Variants in SNX29 observed in about 807,000 individuals in gnomAD.
SNX29 encodes sorting nexin-29.
SNX29 carries 78 observed loss-of-function variants against 102.1 expected under a neutral mutation model. That is an observed-to-expected ratio of 0.76 (90% CI 0.64 to 0.92). The LOEUF (loss-of-function observed/expected upper bound fraction) is 0.92. SNX29 is among the 40% of genes least tolerant of loss of function. SNX29 has a pLI of 0.00. For missense variants in SNX29, 1,280 were observed against 1,061.7 expected, an observed-to-expected ratio of 1.21 and a Z score of -2.86; for synonymous variants, 580 against 414.5, an observed-to-expected ratio of 1.40 and a Z score of -4.85.
chr16:12,566,912 G>A (rs988506106), intron 20 of SNX29, among the ~76,000 whole-genome samples: 46 of 152,348 alleles, frequency 3.0e-4, no homozygotes, highest in African/African-American at 1.1e-3. Context: ...ATCATTAAAA[G>A]GGGTCTTCAT....
chr16:12,520,228 C>G (rs898449181), intron 19 of SNX29, among the ~76,000 whole-genome samples: 1 of 152,176 alleles, frequency 6.6e-6, no homozygotes, highest in African/African-American at 2.4e-5. Flanking sequence ...CCACCTGCCC[C>G]TGCACCCAGG....
chr16:12,143,319 C>T (rs73519833), intron 13 of SNX29, among the ~76,000 whole-genome samples: 3,740 of 152,208 alleles, frequency 0.025, 165 homozygotes, highest in African/African-American at 0.087. Context: ...AGATTTTAAC[C>T]TTCAGTCTGA....
intron 11 of SNX29, among the ~76,000 whole-genome samples, chr16:12,106,356 C>G (rs2053239419): frequency 6.6e-6 from 1 of 152,048 alleles, no homozygotes; most frequent in Admixed American, 6.5e-5. Flanking sequence ...GAAGCCCAGT[C>G]CACTCTTCTT....
intron 14 of SNX29, among the ~76,000 whole-genome samples, chr16:12,227,454 G>A (rs2077645069): frequency 6.6e-6 from 1 of 152,214 alleles, no homozygotes; most frequent in Non-Finnish European, 1.5e-5. Flanking sequence ...TTTCATAGCA[G>A]TTGAAGGCTG....
At chr16:12,249,236 A>G (rs765053883) in intron 14 of SNX29, among the ~76,000 whole-genome samples, 10 of 152,270 alleles carry the variant, frequency 6.6e-5, no homozygotes, top group Admixed American at 3.9e-4. Flanking sequence ...GGCCAACTCA[A>G]TGAAGGCCAA....
intron 20 of SNX29, among the ~76,000 whole-genome samples, chr16:12,549,967 CCA>C (rs763254718): frequency 1.3e-4 from 20 of 152,188 alleles, no homozygotes; most frequent in Non-Finnish European, 2.8e-4. Flanking sequence ...TGGAACATGC[CCA>C]GTCATTCACA....
At chr16:12,288,813 G>A (rs957314733) in intron 15 of SNX29, among the ~76,000 whole-genome samples, 3 of 152,104 alleles carry the variant, frequency 2.0e-5, no homozygotes, top group African/African-American at 4.8e-5. Context: ...ACCTACAGAT[G>A]ATGAAGCCGA....
Position 12,126,438 on chromosome 16 carries a change from C to A in SNX29, c.1403-195C>A, listed in dbSNP as rs192843739. ...GGCAGGATTTGAACCTGGGACCTGA[C>A]TTCAGAGACTGTGCTCTAAAATCCA... On this transcript the variant is annotated intron_variant, in intron 11 of 20. Transcript: ENST00000566228. 2.9e-3 allele frequency among the ~76,000 whole-genome samples: 439 copies of A among 152,340 alleles called. 1 individual carries two copies. The highest frequency in any genetic ancestry group is 5.3e-3 in the Non-Finnish European group (360 of 68,032).
At chr16:12,459,170 A>C (rs2086668610) in intron 18 of SNX29, among the ~76,000 whole-genome samples, 2 of 114,550 alleles carry the variant, frequency 1.7e-5, no homozygotes, top group South Asian at 3.3e-4. Context: ...CTCCTCCCCT[A>C]TCCTCCTACC....
intron 20 of SNX29, chr16:12,545,467 C>A (rs1339663383): frequency 2.0e-5 from 3 of 152,222 alleles, no homozygotes; most frequent in East Asian, 1.9e-4. Flanking sequence ...GGATAGGATG[C>A]CAGTGACTCT....
chr16:12,437,254 C>T (rs550366974), intron 18 of SNX29, among the ~76,000 whole-genome samples: 3 of 152,188 alleles, frequency 2.0e-5, no homozygotes, highest in Non-Finnish European at 4.4e-5. Context: ...GCTTTTCTTC[C>T]TTTCTTGGTC....
intron 14 of SNX29, among the ~76,000 whole-genome samples, chr16:12,202,269 A>G (rs930706168): frequency 1.2e-4 from 18 of 152,176 alleles, no homozygotes; most frequent in African/African-American, 4.3e-4. Context: ...CTCCAAGAGA[A>G]TCATTATTTA....
Position 12,573,792 on chromosome 16 carries a change from A to G in SNX29, c.*5163A>G. ...ACCCCAGAGACCATTAATTTCCCGG[A>G]GTGAAGGGGATGGGGGTAGAGCTAA... On this transcript the variant is annotated 3_prime_UTR_variant, in exon 21 of 21. Transcript: ENST00000566228. 1 of 221,086 alleles carries G rather than the reference A, an allele frequency of 4.5e-6. No individual in the cohort carries two copies. Among genetic ancestry groups the G allele is most frequent in the Non-Finnish European group, 9.0e-6 (1 of 110,502 alleles). The allele number at this position is 221,086 out of a possible 1,614,324, so 13.7% of individuals were successfully genotyped here. A position where few individuals can be genotyped will look rare whatever the true frequency, so the allele number is the denominator to read the frequency against.
At position 11,994,603 on chromosome 16, in the gene SNX29, C is replaced by G. The variant is rs150178328; in HGVS notation, c.8-4694C>G. On this transcript the variant is annotated intron_variant, in intron 1 of 20. Transcript: ENST00000566228. Reference sequence around the variant, plus strand: ...TTTCCTCTCTGAGTCACAGTGTTCTCTACTGAATGGAACCACTTTTCCTTC... The same window carrying G: ...TTTCCTCTCTGAGTCACAGTGTTCTGTACTGAATGGAACCACTTTTCCTTC... Among the ~76,000 whole-genome samples, 14 of 152,324 alleles carry G rather than the reference C, an allele frequency of 9.2e-5. No homozygotes were observed. In the East Asian group the frequency reaches 2.7e-3, roughly 29 times the overall value.
chr16:12,084,535 A>T (rs1313607814), intron 11 of SNX29, among the ~76,000 whole-genome samples: 2 of 152,064 alleles, frequency 1.3e-5, no homozygotes, highest in Non-Finnish European at 2.9e-5. Flanking sequence ...GGGCACACGG[A>T]GCTGTACCTG....
chr16:12,146,222 T>G (rs2055060407), intron 13 of SNX29, among the ~76,000 whole-genome samples: 1 of 152,198 alleles, frequency 6.6e-6, no homozygotes, highest in African/African-American at 2.4e-5. Context: ...CTTTCCTTAA[T>G]GTGTATTTCC....
intron 13 of SNX29, among the ~76,000 whole-genome samples, chr16:12,153,665 A>G (rs557380439): frequency 6.9e-6 from 1 of 145,640 alleles, no homozygotes; most frequent in African/African-American, 2.5e-5. Flanking sequence ...TTTAGTAGAG[A>G]TGGGGTTTCA....
intron 16 of SNX29, among the ~76,000 whole-genome samples, chr16:12,368,963 A>G (rs1597105332): frequency 6.6e-6 from 1 of 152,142 alleles, no homozygotes; most frequent in Admixed American, 6.6e-5. Context: ...CATGACCCAC[A>G]TTCATTATTG....
At chr16:12,461,219 C>G (rs1238618919) in intron 18 of SNX29, among the ~76,000 whole-genome samples, 2 of 152,196 alleles carry the variant, frequency 1.3e-5, no homozygotes, top group Non-Finnish European at 2.9e-5. Context: ...AAACTATTGG[C>G]TCAGCTCAGT....
Sources: allele counts gnomAD v4.1 joint callset (sites outside exome capture counted in the v4.1 genomes callset), GRCh38; gene constraint gnomAD v4.1.1; transcripts MANE v1.5; gene names NCBI Gene and HGNC (gene_info 2026-07-23, HGNC 2026-07-21).